Variants in TTC16 observed in about 807,000 individuals in gnomAD.
TTC16 encodes tetratricopeptide repeat protein 16.
Under a neutral mutation model 80.4 loss-of-function variants are expected in TTC16, and 66 were observed. That is an observed-to-expected ratio of 0.82 (90% CI 0.67 to 1.01). The LOEUF is 1.01. Ranked by LOEUF, TTC16 falls within the 50% of genes least tolerant of loss-of-function variation. The probability of loss-of-function intolerance (pLI) is 0.00; values close to 1 mark genes in which losing one functional copy is unlikely to be tolerated. For missense variants in TTC16, 1,070 were observed against 1,103.2 expected, an observed-to-expected ratio of 0.97 and a Z score of 0.43; for synonymous variants, 438 against 451.3, an observed-to-expected ratio of 0.97 and a Z score of 0.37.
chr9:127,729,564 C>G lies in TTC16; in HGVS notation c.1765-17C>G, dbSNP rs543126683. 1.2e-6 allele frequency: 2 copies of G among 1,611,708 alleles called. No homozygotes were observed. Among genetic ancestry groups the G allele is most frequent in the South Asian group, 2.2e-5 (2 of 91,028 alleles). ...GCCTCCTACCATCTGAACTACAAAG[C>G]CTGTTTCTTGCCATAGGAGAAAAAA... On this transcript the variant is annotated splice_polypyrimidine_tract_variant and intron_variant, in intron 12 of 13. Coordinates refer to ENST00000373289, the MANE Select transcript of TTC16 (RefSeq NM_144965.3).
In TTC16 at chr9:127,716,156, C is replaced by G. The variant is rs1484989187; in HGVS notation, c.11C>G (p.Ser4Trp). Residue 4 changes from serine to tryptophan, a missense_variant, in exon 1 of 14, where the codon TCG (serine) becomes TGG (tryptophan). Ser to Trp is a radical substitution (Grantham distance 177, BLOSUM62 -3). Transcript: ENST00000373289. MTD[S>W]DEDALKVDQG... ...CCTGGAAGGGGCCTCATGACAGATT[C>G]GGACGAGGTGCGGGCTTGGGAGAAG... The G allele has an allele frequency of 7.4e-6, 12 of 1,613,762 alleles. No homozygotes were observed. The highest frequency in any genetic ancestry group is 1.3e-5 in the African/African-American group (1 of 74,876).
intron 6 of TTC16, among the ~76,000 whole-genome samples, chr9:127,721,399 G>A (rs941945397): frequency 9.2e-5 from 14 of 151,968 alleles, no homozygotes; most frequent in Admixed American, 4.6e-4. Context: ...GTCTGGCTTG[G>A]GGGTGGGCTT....
At chr9:127,730,486 G>C (rs1022613569) in intron 13 of TTC16, 150 bp from the exon 14 acceptor site, 3 of 1,209,674 alleles carry the variant, frequency 2.5e-6, no homozygotes, top group African/African-American at 3.1e-5. Flanking sequence ...GTCGCTGGGG[G>C]CTGGGCGGGG....
chr9:127,721,303 C>T (rs1843490714), intron 6 of TTC16, among the ~76,000 whole-genome samples: 1 of 151,828 alleles, frequency 6.6e-6, no homozygotes, highest in South Asian at 2.1e-4. Flanking sequence ...GGCACCATTG[C>T]AGGGTGGGGT....
At chr9:127,717,129 A>G (rs1448929085) in intron 2 of TTC16, 113 bp downstream of exon 2, 1 of 1,403,416 alleles carries the variant, frequency 7.1e-7, no homozygotes, top group Admixed American at 1.9e-5. Flanking sequence ...TCAACTGTCT[A>G]ATGGGGCTCT....
At position 127,726,393 on chromosome 9, in the gene TTC16, A is replaced by C. The variant is rs867852511; in HGVS notation, c.1414A>C (p.Lys472Gln). Residue 472 changes from lysine (K) to glutamine (Q), a missense_variant, in exon 10 of 14, where the codon AAG becomes CAG. Transcript: ENST00000373289. ...GGCCACTGTCCTGCTCCTCAACCCC[A>C]AGCAACCAAAGGTAGGTTCCTGCCA... ...DVATVLLLNP[K>Q]QPKLSLLMTN... The C allele has an allele frequency of 1.9e-6, 3 of 1,600,398 alleles. No individual in the cohort carries two copies. In the African/African-American group the frequency reaches 4.0e-5, roughly 21 times the overall value.
intron 8 of TTC16, 60 bp downstream of exon 8, chr9:127,724,424 GC>G (rs774031203): frequency 1.3e-6 from 2 of 1,592,900 alleles, no homozygotes; most frequent in East Asian, 2.3e-5. Flanking sequence ...CATCTCTAAG[GC>G]CCCCACTGGG....
chr9:127,716,323 C>A, intron 1 of TTC16, 160 bp downstream of exon 1: 1 of 1,093,160 alleles, frequency 9.1e-7, no homozygotes, highest in Non-Finnish European at 1.4e-6. Context: ...GTGAAAGATC[C>A]TTGTAAGGCT....
At chr9:127,716,189 C>G (rs1842991185) in intron 1 of TTC16, 26 bp downstream of exon 1, 3 of 1,613,730 alleles carry the variant, frequency 1.9e-6, no homozygotes, top group African/African-American at 1.3e-5. Flanking sequence ...AAGACTAACG[C>G]AAAGGCAGAG....
intron 1 of TTC16, chr9:127,716,403 G>T (rs1431932420): frequency 3.3e-6 from 2 of 614,920 alleles, no homozygotes; most frequent in Admixed American, 5.7e-5. Flanking sequence ...CAAAATGGGA[G>T]AACCTGGGGC....
At chr9:127,717,503 C>T in intron 3 of TTC16, 79 bp downstream of exon 3, 1 of 1,574,092 alleles carries the variant, frequency 6.4e-7, no homozygotes, top group Non-Finnish European at 8.7e-7. Context: ...CCAGATCCCT[C>T]CTCTCAGGGC....
In TTC16 at chr9:127,722,180, A is replaced by G. The variant is rs1399102648; in HGVS notation, c.658-939A>G. 6.6e-6 allele frequency among the ~76,000 whole-genome samples: 1 copy of G among 152,138 alleles called. No homozygotes were observed. Among genetic ancestry groups the G allele is most frequent in the Non-Finnish European group, 1.5e-5 (1 of 68,010 alleles). On this transcript the variant is annotated intron_variant, in intron 6 of 13. Coordinates refer to ENST00000373289, the MANE Select transcript of TTC16 (RefSeq NM_144965.3). This position sits in a 1 kb window ranked among gnomAD's most constrained non-coding sequence, Gnocchi z 4.2. Reference sequence around the variant, plus strand: ...TCCCAGTGGCATTGCCTGGAGCCCAAGGCTGCTTATGCCGAAGCCCTGCCC... The same window carrying G: ...TCCCAGTGGCATTGCCTGGAGCCCAGGGCTGCTTATGCCGAAGCCCTGCCC...
intron 4 of TTC16, among the ~76,000 whole-genome samples, chr9:127,719,488 T>C (rs1399180201): frequency 1.3e-5 from 2 of 152,186 alleles, no homozygotes; most frequent in African/African-American, 4.8e-5. Context: ...TCTTCTGCCA[T>C]CTGAGTGTTT....
Position 127,718,596 on chromosome 9 carries a change from G to A in TTC16, c.426+824G>A, listed in dbSNP as rs1168478664. Among the ~76,000 whole-genome samples the A allele has an allele frequency of 6.6e-6, 1 of 151,248 alleles. No individual in the cohort carries two copies. Among genetic ancestry groups the A allele is most frequent in the East Asian group, 2.0e-4 (1 of 5,046 alleles). ...TTTTTTCCATTTTGATAACCTTGATGTCTTTTTTTTTTTTCTGAGATGGAG... is the reference window on the plus strand; with the variant it reads ...TTTTTTCCATTTTGATAACCTTGATATCTTTTTTTTTTTTCTGAGATGGAG... On this transcript the variant is annotated intron_variant, in intron 4 of 13. Coordinates refer to ENST00000373289, the MANE Select transcript of TTC16 (RefSeq NM_144965.3). This position sits in a 1 kb window ranked among gnomAD's most constrained non-coding sequence, Gnocchi z 4.6.
intron 4 of TTC16, 114 bp from the exon 5 acceptor site, chr9:127,719,964 G>C (rs955936537): frequency 2.4e-6 from 2 of 842,954 alleles, no homozygotes; most frequent in South Asian, 1.4e-5. Context: ...GATCTAAAAG[G>C]CTCTGTCCTT....
At position 127,731,204 on chromosome 9, in the gene TTC16, T is replaced by C. The variant is rs1844393080; in HGVS notation, c.2421T>C (p.Ala807=). The part of the protein sequence containing the change: ...GLLRSSTKTE[A]FYDSNWSLSK... ...TCCGAAGTTCCACCAAGACTGAGGC[T>C]TTCTATGACTCAAACTGGAGCCTCA... Residue 807 remains alanine (A), a synonymous_variant, in exon 14 of 14, where the codon GCT becomes GCC. Transcript: ENST00000373289. 1 of 1,612,270 alleles carries C rather than the reference T, an allele frequency of 6.2e-7. No individual in the cohort carries two copies. The highest frequency in any genetic ancestry group is 1.7e-5 in the Admixed American group (1 of 59,956).
At chr9:127,730,301 C>T (rs915194803) in intron 13 of TTC16, 7 of 375,566 alleles carry the variant, frequency 1.9e-5, no homozygotes, top group South Asian at 7.2e-5. Flanking sequence ...TTAGTGGGGA[C>T]GAGGATGGAA....
chr9:127,729,518 T>C, intron 12 of TTC16, 63 bp from the exon 13 acceptor site: 2 of 1,418,458 alleles, frequency 1.4e-6, no homozygotes, highest in Non-Finnish European at 9.9e-7. Flanking sequence ...CTGCTGGCCT[T>C]CTAGAGGTGC....
At chr9:127,729,844 G>C in intron 13 of TTC16, 176 bp downstream of exon 13, 1 of 607,794 alleles carries the variant, frequency 1.6e-6, no homozygotes, top group Non-Finnish European at 2.9e-6. Flanking sequence ...TGCCCAGGAC[G>C]AGGTGAGGCT....
Sources: gnomAD v4.1 joint callset for allele counts (sites outside exome capture counted in the v4.1 genomes callset) on GRCh38, gnomAD v4.1.1 for gene constraint, Gnocchi (gnomAD v3.1) non-coding constraint, MANE v1.5 for transcripts, NCBI Gene and HGNC (gene_info 2026-07-23, HGNC 2026-07-21) for gene names.